The following SPATA16 variants were observed in gnomAD, a reference collection of about 807,000 sequenced individuals.
The protein encoded by SPATA16 is spermatogenesis-associated protein 16.
A neutral mutation model predicts 63.3 loss-of-function variants in SPATA16; 36 were observed. The ratio of observed to expected loss-of-function variants is 0.57; its 90% CI spans 0.44 to 0.75. The LOEUF (loss-of-function observed/expected upper bound fraction) is 0.75. Among genes scored for constraint, SPATA16 ranks in the 30% least tolerant of loss-of-function variants. SPATA16 has a pLI of 0.00. For synonymous variants in SPATA16, 203 were observed against 216.7 expected (o/e 0.94, Z 0.56); for missense variants, 646 against 679.3 (o/e 0.95, Z 0.54).
chr3:173,016,417 T>C lies in SPATA16; in HGVS notation c.848+3069A>G, dbSNP rs112049698. On this transcript the variant is annotated intron_variant, in intron 4 of 10. Transcript: ENST00000351008. Reference sequence around the variant, plus strand: ...CTAGAAATCCCTTCATGGGTGATGATGGTTAGGCTCAGAAAACCTAAGACA... The same window carrying C: ...CTAGAAATCCCTTCATGGGTGATGACGGTTAGGCTCAGAAAACCTAAGACA... Among the ~76,000 whole-genome samples, 713 of 152,310 alleles carry C rather than the reference T, an allele frequency of 4.7e-3. 4 individuals carry two copies. The highest frequency in any genetic ancestry group is 1.0e-2 in the African/African-American group (414 of 41,576).
At chr3:173,011,044 C>CA (rs35929349) in intron 4 of SPATA16, among the ~76,000 whole-genome samples, 6 of 151,620 alleles carry the variant, frequency 4.0e-5, no homozygotes, top group Admixed American at 1.3e-4. Flanking sequence ...AAAACTATTC[C>CA]AAAAAAAATC....
chr3:173,015,884 GT>G (rs1735175361), intron 4 of SPATA16, among the ~76,000 whole-genome samples: 2 of 152,054 alleles, frequency 1.3e-5, no homozygotes, highest in African/African-American at 4.8e-5. Flanking sequence ...GTGTGTGTGT[GT>G]GTGTGTGTAA....
chr3:173,071,380 T>C lies in SPATA16; in HGVS notation c.613-22286A>G, dbSNP rs190001946. Among the ~76,000 whole-genome samples the C allele has an allele frequency of 2.0e-5, 3 of 152,170 alleles. No homozygotes were observed. The East Asian group carries it at 5.8e-4, about 29-fold the overall frequency. On this transcript the variant is annotated intron_variant, in intron 2 of 10. Transcript: ENST00000351008. ...CGATTAGAAGAAAACATTGGGGAAA[T>C]ACTCCAGGACATTAGTCTGGACAAA...
At chr3:172,931,104 G>A (rs1375261353) in intron 6 of SPATA16, among the ~76,000 whole-genome samples, 13 of 152,274 alleles carry the variant, frequency 8.5e-5, no homozygotes, top group Middle Eastern at 3.4e-3. Flanking sequence ...GATTACAGGC[G>A]TGAGCCACCG....
At chr3:172,959,346 G>A (rs1733686920) in intron 5 of SPATA16, among the ~76,000 whole-genome samples, 1 of 152,188 alleles carries the variant, frequency 6.6e-6, no homozygotes, top group Non-Finnish European at 1.5e-5. Context: ...TCTGCTCATT[G>A]AAGGATCTGT....
intron 5 of SPATA16, among the ~76,000 whole-genome samples, chr3:172,968,946 C>T (rs999277764): frequency 1.3e-5 from 2 of 152,018 alleles, no homozygotes; most frequent in Non-Finnish European, 2.9e-5. Flanking sequence ...TTTGCAAGAC[C>T]CAGGAAAGGA....
chr3:173,114,215 T>C (rs1737828835), intron 2 of SPATA16, among the ~76,000 whole-genome samples: 2 of 150,442 alleles, frequency 1.3e-5, no homozygotes, highest in Non-Finnish European at 1.5e-5. Context: ...CTCATAACAC[T>C]TCCCTCATAG....
chr3:173,076,030 C>G (rs1736793931), intron 2 of SPATA16, among the ~76,000 whole-genome samples: 1 of 151,934 alleles, frequency 6.6e-6, no homozygotes, highest in Admixed American at 6.6e-5. Context: ...TCACATGTAC[C>G]TTGTAAATAT....
At chr3:173,067,297 A>G (rs1374640123) in intron 2 of SPATA16, among the ~76,000 whole-genome samples, 1 of 152,210 alleles carries the variant, frequency 6.6e-6, no homozygotes, top group Non-Finnish European at 1.5e-5. Context: ...TTGCAGCAAC[A>G]TGGATGATGT....
At chr3:172,894,526 C>A (rs1452279324) in intron 10 of SPATA16, among the ~76,000 whole-genome samples, 1 of 149,342 alleles carries the variant, frequency 6.7e-6, no homozygotes, top group Non-Finnish European at 1.5e-5. Context: ...ATCACCAACT[C>A]TTGAAAATAC....
intron 2 of SPATA16, among the ~76,000 whole-genome samples, chr3:173,051,259 G>A (rs1378007944): frequency 3.3e-5 from 5 of 152,010 alleles, no homozygotes; most frequent in South Asian, 2.1e-4. Context: ...CTGGAGTGTA[G>A]TGGCGCGATC....
At chr3:172,910,876 A>G (rs987721054) in intron 10 of SPATA16, among the ~76,000 whole-genome samples, 4 of 152,146 alleles carry the variant, frequency 2.6e-5, no homozygotes, top group African/African-American at 4.8e-5. Flanking sequence ...AGGCTTTTGT[A>G]TTTCCTGTTG....
intron 2 of SPATA16, among the ~76,000 whole-genome samples, chr3:173,092,113 T>G (rs968149606): frequency 6.6e-6 from 1 of 152,130 alleles, no homozygotes; most frequent in African/African-American, 2.4e-5. Flanking sequence ...ATAAGCAGAA[T>G]TGATGCAAAT....
At chr3:172,936,059 G>A (rs550420177) in intron 6 of SPATA16, among the ~76,000 whole-genome samples, 131 of 152,318 alleles carry the variant, frequency 8.6e-4, no homozygotes, top group African/African-American at 1.1e-3. Flanking sequence ...GTGAGAGGTG[G>A]TGTGGTATCA....
intron 6 of SPATA16, among the ~76,000 whole-genome samples, chr3:172,937,162 GA>G (rs1006080643): frequency 6.6e-5 from 10 of 151,462 alleles, no homozygotes; most frequent in South Asian, 2.1e-4. Context: ...AATATTGTGA[GA>G]AAAAAAAATC....
chr3:173,060,429 A>C (rs1435203835), intron 2 of SPATA16, among the ~76,000 whole-genome samples: 1 of 152,214 alleles, frequency 6.6e-6, no homozygotes, highest in Non-Finnish European at 1.5e-5. Context: ...AAATTATAAA[A>C]AAATTAAATT....
chr3:173,117,893 ACT>A (rs911483372), intron 1 of SPATA16, 144 bp from the exon 2 acceptor site: 2 of 1,351,728 alleles, frequency 1.5e-6, no homozygotes, highest in Non-Finnish European at 1.0e-6. Context: ...TACATAATCT[ACT>A]GACTATTTTA....
chr3:172,903,834 C>T (rs936194419), intron 10 of SPATA16, among the ~76,000 whole-genome samples: 1 of 152,162 alleles, frequency 6.6e-6, no homozygotes, highest in African/African-American at 2.4e-5. Context: ...GGCAAGTCGC[C>T]AGATGGGCAG....
intron 1 of SPATA16, among the ~76,000 whole-genome samples, chr3:173,139,381 C>T (rs1415187309): frequency 6.6e-6 from 1 of 152,124 alleles, no homozygotes; most frequent in Non-Finnish European, 1.5e-5. Flanking sequence ...TATTTTATAA[C>T]ATCCCTGAAA....
Sources: gnomAD v4.1 joint callset for allele counts (sites outside exome capture counted in the v4.1 genomes callset) on GRCh38, gnomAD v4.1.1 for gene constraint, MANE v1.5 for transcripts, NCBI Gene and HGNC (gene_info 2026-07-23, HGNC 2026-07-21) for gene names.